ANXA11: variants seen among roughly 807,000 people sequenced by gnomAD.
ANXA11 encodes the protein annexin A11.
A neutral mutation model predicts 64.7 loss-of-function variants in ANXA11; 57 were observed. The observed-to-expected ratio is 0.88, with a 90% CI of 0.71 to 1.10. ANXA11 has a LOEUF of 1.10. Among genes scored for constraint, ANXA11 ranks in the 50% least tolerant of loss-of-function variants. The probability of loss-of-function intolerance (pLI) is 0.00; values close to 1 mark genes in which losing one functional copy is unlikely to be tolerated. For synonymous variants in ANXA11, 260 were observed against 265.2 expected, an observed-to-expected ratio of 0.98 and a Z score of 0.19; for missense variants, 675 against 670.7, an observed-to-expected ratio of 1.01 and a Z score of -0.07.
chr10:80,189,998 T>C (rs532950350), intron 1 of ANXA11, among the ~76,000 whole-genome samples: 32 of 152,220 alleles, frequency 2.1e-4, no homozygotes, highest in Non-Finnish European at 4.1e-4. Context: ...TTATGCTAAA[T>C]GAAACAAGCC....
chr10:80,203,379 C>T (rs1454873029), intron 1 of ANXA11, among the ~76,000 whole-genome samples: 3 of 152,046 alleles, frequency 2.0e-5, no homozygotes, highest in Admixed American at 6.5e-5. Context: ...TGCATAAAGG[C>T]GTCAGGTGAG....
intron 1 of ANXA11, among the ~76,000 whole-genome samples, chr10:80,199,539 C>T (rs1465039133): frequency 6.6e-6 from 1 of 152,072 alleles, no homozygotes; most frequent in Admixed American, 6.5e-5. Context: ...GGTGCAGTGG[C>T]TCATGTCCGT....
chr10:80,182,463 A>ATG (rs1846390063), intron 1 of ANXA11, among the ~76,000 whole-genome samples: 1 of 152,202 alleles, frequency 6.6e-6, no homozygotes, highest in African/African-American at 2.4e-5. Context: ...TGTATAATAC[A>ATG]TGTATATATA....
intron 1 of ANXA11, chr10:80,204,936 G>T (rs1410798027): frequency 6.6e-6 from 1 of 152,178 alleles, no homozygotes; most frequent in Non-Finnish European, 1.5e-5. Context: ...CGCCTAGAAG[G>T]GCGCGCGCAC....
intron 1 of ANXA11, among the ~76,000 whole-genome samples, chr10:80,195,024 G>A (rs567525437): frequency 9.2e-5 from 14 of 152,140 alleles, no homozygotes; most frequent in African/African-American, 1.7e-4. Context: ...GCACAGACCC[G>A]TCTCTCACCA....
intron 4 of ANXA11, 145 bp downstream of exon 4, chr10:80,170,655 C>A (rs562799013): frequency 2.0e-6 from 1 of 511,580 alleles, no homozygotes; most frequent in Non-Finnish European, 3.1e-6. Context: ...TGATGAAAAC[C>A]CTGTTCTAAG....
chr10:80,158,158 TTC>T (rs560932746), intron 13 of ANXA11, 133 bp from the exon 14 acceptor site: 52 of 806,758 alleles, frequency 6.4e-5, no homozygotes, highest in Non-Finnish European at 1.1e-4. Context: ...CTCCTCCTCC[TTC>T]TGTTCCAGGC....
At chr10:80,181,837 G>A (rs962156872) in intron 1 of ANXA11, among the ~76,000 whole-genome samples, 1 of 152,210 alleles carries the variant, frequency 6.6e-6, no homozygotes, top group Non-Finnish European at 1.5e-5. Flanking sequence ...CATCGCTGGT[G>A]GGGATGTAAA....
chr10:80,194,042 T>C (rs1846886879), intron 1 of ANXA11, among the ~76,000 whole-genome samples: 2 of 151,912 alleles, frequency 1.3e-5, no homozygotes, highest in African/African-American at 2.4e-5. Flanking sequence ...TGGTGAACTA[T>C]ATTCTTCAAC....
chr10:80,175,086 G>A (rs538990237), intron 2 of ANXA11, among the ~76,000 whole-genome samples: 2 of 152,160 alleles, frequency 1.3e-5, no homozygotes, highest in East Asian at 1.9e-4. Flanking sequence ...CCCTAAGCAC[G>A]TGGTGGATGA....
intron 1 of ANXA11, among the ~76,000 whole-genome samples, chr10:80,197,903 G>A (rs1482052306): frequency 2.6e-5 from 4 of 151,228 alleles, no homozygotes; most frequent in South Asian, 2.1e-4. Flanking sequence ...CAGCCTGGGC[G>A]ACAGAGTGAG....
At chr10:80,189,182 A>G (rs143150926) in intron 1 of ANXA11, among the ~76,000 whole-genome samples, 1 of 152,292 alleles carries the variant, frequency 6.6e-6, no homozygotes, top group African/African-American at 2.4e-5. Flanking sequence ...CAAAGCAGAG[A>G]GCCTTTGTTG....
At chr10:80,164,897 T>G (rs1190069372) in intron 8 of ANXA11, among the ~76,000 whole-genome samples, 26 of 152,250 alleles carry the variant, frequency 1.7e-4, no homozygotes, top group Non-Finnish European at 1.5e-5. Flanking sequence ...AGCTGTTTCC[T>G]GCTACAGCTA....
At chr10:80,185,236 G>A (rs928089935) in intron 1 of ANXA11, among the ~76,000 whole-genome samples, 2 of 152,160 alleles carry the variant, frequency 1.3e-5, no homozygotes, top group Non-Finnish European at 2.9e-5. Context: ...GCCCCCAGAA[G>A]TCTTGCTCAG....
chr10:80,196,640 T>C (rs1214094807), intron 1 of ANXA11, among the ~76,000 whole-genome samples: 1 of 152,132 alleles, frequency 6.6e-6, no homozygotes, highest in Non-Finnish European at 1.5e-5. Context: ...AGCCCCAATG[T>C]CCTGCCCTTG....
chr10:80,158,175 C>T, intron 13 of ANXA11, 150 bp from the exon 14 acceptor site: 1 of 743,162 alleles, frequency 1.3e-6, no homozygotes, highest in Non-Finnish European at 2.2e-6. Context: ...CCAGGCTCAA[C>T]TATCCCATGA....
At chr10:80,161,241 T>A (rs967767697) in intron 12 of ANXA11, among the ~76,000 whole-genome samples, 3 of 152,146 alleles carry the variant, frequency 2.0e-5, no homozygotes, top group Non-Finnish European at 2.9e-5. Context: ...ATGGTCCCCC[T>A]TCACTGTTCT....
At chr10:80,161,199 C>T (rs1307481417) in intron 12 of ANXA11, among the ~76,000 whole-genome samples, 1 of 152,216 alleles carries the variant, frequency 6.6e-6, no homozygotes, top group Non-Finnish European at 1.5e-5. Flanking sequence ...GCCCTCACCT[C>T]CCACTCCTCT....
intron 1 of ANXA11, among the ~76,000 whole-genome samples, chr10:80,180,505 G>C (rs916877175): frequency 6.7e-6 from 1 of 149,098 alleles, no homozygotes; most frequent in Non-Finnish European, 1.5e-5. Context: ...CGGGCCAGAA[G>C]CCACACAGCA....
Sources: gnomAD v4.1 joint callset for allele counts (sites outside exome capture counted in the v4.1 genomes callset) on GRCh38, gnomAD v4.1.1 for gene constraint, MANE v1.5 for transcripts, NCBI Gene and HGNC (gene_info 2026-07-23, HGNC 2026-07-21) for gene names.